HIVEP1: variants seen among roughly 807,000 people sequenced by gnomAD.
HIVEP1 encodes zinc finger protein 40.
HIVEP1 carries 36 observed loss-of-function variants against 180.0 expected under a neutral mutation model. The ratio of observed to expected loss-of-function variants is 0.20; its 90% CI spans 0.15 to 0.26. The LOEUF is 0.26. Among genes scored for constraint, HIVEP1 ranks in the 10% least tolerant of loss-of-function variants. HIVEP1 has a pLI of 1.00. For missense variants in HIVEP1, 3,143 were observed against 3,268.7 expected (o/e 0.96, Z 0.94); for synonymous variants, 1,239 against 1,239.0 (o/e 1.00, Z 0.00).
chr6:12,019,947 A>G (rs1022432288), intron 2 of HIVEP1, among the ~76,000 whole-genome samples: 1 of 152,250 alleles, frequency 6.6e-6, no homozygotes, highest in Non-Finnish European at 1.5e-5. Context: ...ACCGGAATCT[A>G]TCATGGAAGA....
intron 7 of HIVEP1, among the ~76,000 whole-genome samples, chr6:12,151,604 A>G (rs1206997856): frequency 6.6e-6 from 1 of 152,174 alleles, no homozygotes; most frequent in Admixed American, 6.5e-5. Flanking sequence ...TGGGTGTGGT[A>G]TCAACTCTGT....
Position 12,163,396 on chromosome 6 carries a change from A to G in HIVEP1, c.7092A>G (p.Gln2364=), listed in dbSNP as rs748104830. 50 of 1,614,024 alleles carry G rather than the reference A, an allele frequency of 3.1e-5. No homozygotes were observed. Among genetic ancestry groups the G allele is most frequent in the Non-Finnish European group, 4.0e-5 (47 of 1,180,030 alleles). The stretch of plus-strand genomic sequence containing the variant: ...CTGACCCTCAAGAACAGAAGCAGCA[A>G]ATAACTCTACAGCCGACTCCAGGCT... ...PHPDPQEQKQ[Q]ITLQPTPGLP... is the part of the protein sequence containing the mutation. Residue 2364 remains glutamine, a synonymous_variant, in exon 9 of 9, where the codon CAA becomes CAG. Transcript: ENST00000379388.
the HIVEP1 span, among the ~76,000 whole-genome samples, chr6:12,185,110 G>A: frequency 4.6e-5 from 7 of 152,212 alleles, no homozygotes; most frequent in Non-Finnish European, 8.8e-5. Flanking sequence ...AAATGATGAA[G>A]TAACTGTTTT....
At chr6:12,049,463 T>TG (rs539345754) in intron 2 of HIVEP1, among the ~76,000 whole-genome samples, 134 of 152,280 alleles carry the variant, frequency 8.8e-4, no homozygotes, top group African/African-American at 3.2e-3. Context: ...TGTGAGACCT[T>TG]GCGCGAGGAG....
the HIVEP1 span, among the ~76,000 whole-genome samples, chr6:12,197,447 T>C: frequency 1.3e-5 from 2 of 150,168 alleles, no homozygotes; most frequent in Non-Finnish European, 3.0e-5. Context: ...TAATCCCAGC[T>C]ACTCGGGAGG....
At position 12,163,432 on chromosome 6, in the gene HIVEP1, C is replaced by G. The variant is rs767135291; in HGVS notation, c.7128C>G (p.Pro2376=). The change falls in exon 9 of 9, where the codon CCC becomes CCG. Residue 2376 remains proline, a synonymous_variant. Transcript: ENST00000379388. Reference sequence around the variant, plus strand: ...AGCCGACTCCAGGCTTGCCTTCTCCCCACACTCATTTGTTTAGCCACCTTC... The same window carrying G: ...AGCCGACTCCAGGCTTGCCTTCTCCGCACACTCATTTGTTTAGCCACCTTC... ...TLQPTPGLPS[P]HTHLFSHLPL... is the part of the protein sequence containing the mutation. 1 of 1,614,172 alleles carries G rather than the reference C, an allele frequency of 6.2e-7. No individual in the cohort carries two copies. The highest frequency in any genetic ancestry group is 1.1e-5 in the South Asian group (1 of 91,082).
At chr6:12,095,515 A>G (rs1773734226) in intron 3 of HIVEP1, among the ~76,000 whole-genome samples, 1 of 117,386 alleles carries the variant, frequency 8.5e-6, no homozygotes, top group East Asian at 2.8e-4. Context: ...CTCCACATGG[A>G]TGGGGATCTT....
the HIVEP1 span, among the ~76,000 whole-genome samples, chr6:12,211,231 C>T: frequency 4.5e-5 from 5 of 111,268 alleles, no homozygotes; most frequent in Non-Finnish European, 9.0e-5. Flanking sequence ...AACCCCGTCT[C>T]TACTAAAAAT....
At chr6:12,139,472 C>T (rs1169408603) in intron 7 of HIVEP1, among the ~76,000 whole-genome samples, 1 of 152,174 alleles carries the variant, frequency 6.6e-6, no homozygotes, top group Non-Finnish European at 1.5e-5. Context: ...TGGTTCATCT[C>T]ATTGGGACTG....
chr6:12,166,040 A>G (rs1056100021), downstream of HIVEP1, among the ~76,000 whole-genome samples: 4 of 152,234 alleles, frequency 2.6e-5, no homozygotes, highest in Admixed American at 6.5e-5. Context: ...CTCAAAAACA[A>G]TAAAACTACA....
At chr6:12,033,125 C>G (rs959962839) in intron 2 of HIVEP1, among the ~76,000 whole-genome samples, 1 of 152,174 alleles carries the variant, frequency 6.6e-6, no homozygotes, top group South Asian at 2.1e-4. Flanking sequence ...AGATATCTAA[C>G]ACTTTAGTAT....
intron 2 of HIVEP1, among the ~76,000 whole-genome samples, chr6:12,060,814 C>T (rs781703225): frequency 6.6e-6 from 1 of 152,064 alleles, no homozygotes; most frequent in Non-Finnish European, 1.5e-5. Context: ...AAGGTACTCT[C>T]GGATGCAGAA....
chr6:12,167,643 A>G (rs56142363), downstream of HIVEP1, among the ~76,000 whole-genome samples: 2,355 of 20,288 alleles, frequency 0.12, 314 homozygotes, highest in African/African-American at 0.16. Context: ...ATATATACAT[A>G]TACATATATA....
Position 12,163,483 on chromosome 6 carries a change from G to C in HIVEP1, c.7179G>C (p.Arg2393Ser). Reference sequence around the variant, plus strand: ...CTTTGCATTCCCAGCAGCAATCGAGGACACCTTATAATATGGTTCCAGTTG... The same window carrying C: ...CTTTGCATTCCCAGCAGCAATCGAGCACACCTTATAATATGGTTCCAGTTG... ...HLPLHSQQQS[R>S]TPYNMVPVGG... Residue 2393 changes from arginine to serine, a missense_variant, in exon 9 of 9, where the codon AGG (arginine) becomes AGC (serine). Arg to Ser is a moderately radical substitution (Grantham distance 110, BLOSUM62 -1). This residue lies in a region of HIVEP1 where 595 missense variants were observed against 602.2 expected (regional missense o/e 0.99). Transcript: ENST00000379388. The C allele has an allele frequency of 6.2e-7, 1 of 1,614,116 alleles. No individual in the cohort carries two copies. Among genetic ancestry groups the C allele is most frequent in the Non-Finnish European group, 8.5e-7 (1 of 1,180,024 alleles).
chr6:12,167,959 TG>T (rs1175285766), downstream of HIVEP1, among the ~76,000 whole-genome samples: 4 of 91,952 alleles, frequency 4.4e-5, no homozygotes, highest in South Asian at 3.0e-4. Context: ...CATGTATATA[TG>T]TATATATTAT....
chr6:12,150,936 G>A (rs1327181879), intron 7 of HIVEP1, among the ~76,000 whole-genome samples: 1 of 152,174 alleles, frequency 6.6e-6, no homozygotes. Context: ...GCTACTGAGT[G>A]TACGTGGGCC....
At position 12,123,170 on chromosome 6, in the gene HIVEP1, A is replaced by G; in HGVS notation, c.3375A>G (p.Glu1125=). The G allele has an allele frequency of 6.2e-7, 1 of 1,614,200 alleles. No homozygotes were observed. Among genetic ancestry groups the G allele is most frequent in the Non-Finnish European group, 8.5e-7 (1 of 1,180,026 alleles). Residue 1125 remains glutamate, a synonymous_variant, in exon 4 of 9, where the codon GAA becomes GAG. Coordinates refer to ENST00000379388, the MANE Select transcript of HIVEP1 (RefSeq NM_002114.4). ...QISSAAQDKI[E]LQRHGTGISV... ...GTTCAGCAGCCCAGGACAAGATAGA[A>G]CTGCAGAGACACGGAACTGGAATCT...
chr6:12,018,279 C>T (rs1010225243), intron 2 of HIVEP1, among the ~76,000 whole-genome samples: 1 of 152,230 alleles, frequency 6.6e-6, no homozygotes, highest in Non-Finnish European at 1.5e-5. Context: ...CTCCACACCT[C>T]CCTGCAAGCT....
At chr6:12,131,896 T>C (rs926817033) in intron 6 of HIVEP1, among the ~76,000 whole-genome samples, 15 of 152,120 alleles carry the variant, frequency 9.9e-5, no homozygotes, top group Non-Finnish European at 1.9e-4. Flanking sequence ...GTTTTTGTTT[T>C]AAAGATTGAT....
Sources: allele counts gnomAD v4.1 joint callset (sites outside exome capture counted in the v4.1 genomes callset), GRCh38; gene constraint gnomAD v4.1.1; regional missense constraint gnomAD v4.1.1; transcripts MANE v1.5; gene names NCBI Gene and HGNC (gene_info 2026-07-23, HGNC 2026-07-21).